The following ZNF284 variants were observed in gnomAD, a reference collection of about 807,000 sequenced individuals.
The protein encoded by ZNF284 is zinc finger protein 284.
A neutral mutation model predicts 12.9 loss-of-function variants in ZNF284; 12 were observed. The ratio of observed to expected loss-of-function variants is 0.93; its 90% CI spans 0.60 to 1.51. The LOEUF (loss-of-function observed/expected upper bound fraction) is 1.51. Ranked by LOEUF, ZNF284 falls within the 40% of genes most tolerant of loss-of-function variation. The pLI, the probability that ZNF284 is intolerant of heterozygous loss-of-function variation, is 0.00. For synonymous variants in ZNF284, 225 were observed against 236.5 expected (o/e 0.95, Z 0.45); for missense variants, 667 against 707.3 (o/e 0.94, Z 0.65).
intron 1 of ZNF284, among the ~76,000 whole-genome samples, chr19:44,073,773 C>T (rs1028327111): frequency 2.0e-5 from 3 of 152,078 alleles, no homozygotes. Context: ...TGGTCTTGAT[C>T]TCCTGACCTC....
chr19:44,084,955 G>T (rs1967205082), intron 4 of ZNF284, among the ~76,000 whole-genome samples: 1 of 152,120 alleles, frequency 6.6e-6, no homozygotes, highest in African/African-American at 2.4e-5. Flanking sequence ...GGCCCACAGG[G>T]GTCGAGGGCC....
chr19:44,083,476 G>GAGAA (rs1568522529), intron 4 of ZNF284, among the ~76,000 whole-genome samples: 1 of 68,960 alleles, frequency 1.5e-5, no homozygotes, highest in Admixed American at 1.4e-4. Context: ...TATATATATA[G>GAGAA]AGAGAGAGAG....
In ZNF284 at chr19:44,089,575, T is replaced by G. The variant is rs1274263400; in HGVS notation, c.*2315T>G. 1 of 152,202 alleles carries G rather than the reference T, an allele frequency of 6.6e-6. No individual in the cohort carries two copies. The highest frequency in any genetic ancestry group is 1.5e-5 in the Non-Finnish European group (1 of 68,044). 9.4% of individuals were successfully genotyped at this position (152,202 alleles called of 1,614,324 possible). ...TCATTATCTGTAAAAGATGTAGCAT[T>G]GTCATGGACTCCTTAATAAACGTGA... is the stretch of plus-strand genomic sequence containing the variant. On this transcript the variant is annotated 3_prime_UTR_variant, in exon 5 of 5. Coordinates refer to ENST00000421176, the MANE Select transcript of ZNF284 (RefSeq NM_001037813.4).
chr19:44,072,869 A>G (rs201775303), intron 1 of ZNF284, among the ~76,000 whole-genome samples: 2 of 152,240 alleles, frequency 1.3e-5, no homozygotes, highest in East Asian at 3.9e-4. Context: ...GGTGTTTCAC[A>G]GCTTTCTCCT....
rs1967277781 is a variant in ZNF284, at chr19:44,087,288, A to G, written c.*28A>G. 9.1e-6 allele frequency: 13 copies of G among 1,422,184 alleles called. No individual in the cohort carries two copies. Among genetic ancestry groups the G allele is most frequent in the South Asian group, 2.9e-5 (2 of 69,978 alleles). The allele number at this position is 1,422,184 out of a possible 1,614,324, so 88.1% of individuals were successfully genotyped here. On this transcript the variant is annotated 3_prime_UTR_variant, in exon 5 of 5. Coordinates refer to ENST00000421176, the MANE Select transcript of ZNF284 (RefSeq NM_001037813.4). ...ATTGTCCATATTTATGGGTTACAGC[A>G]TATTTCAATACATGTATACAATGTA...
rs1555773860 is a variant in ZNF284, at chr19:44,086,812, A to G, written c.1334A>G (p.His445Arg). The G allele has an allele frequency of 6.2e-7, 1 of 1,614,218 alleles. No homozygotes were observed. Among genetic ancestry groups the G allele is most frequent in the East Asian group, 2.2e-5 (1 of 44,884 alleles). The change falls in exon 5 of 5, where the codon CAC (histidine) becomes CGC (arginine). Residue 445 changes from histidine to arginine, a missense_variant. His to Arg is a conservative substitution (Grantham distance 29). Coordinates refer to ENST00000421176, the MANE Select transcript of ZNF284 (RefSeq NM_001037813.4). ...ATTAGTAAGTTTAATCTTGACTTGC[A>G]CCAGAGGGTCCACACGGGAGAGAGA... ...GYISKFNLDL[H>R]QRVHTGERPY...
In ZNF284 at chr19:44,086,288, C is replaced by A; in HGVS notation, c.810C>A (p.His270Gln). The change falls in exon 5 of 5, where the codon CAC (histidine) becomes CAA (glutamine). Residue 270 changes from histidine to glutamine, a missense_variant. Coordinates refer to ENST00000421176, the MANE Select transcript of ZNF284 (RefSeq NM_001037813.4). Reference protein sequence around the residue: ...ICEECGKAFIHNSQLREHQRI... With the variant: ...ICEECGKAFIQNSQLREHQRI... ...AGGAATGTGGGAAGGCCTTCATTCA[C>A]AATTCCCAGCTTCGGGAACATCAAA... The A allele has an allele frequency of 1.9e-6, 3 of 1,614,144 alleles. No individual in the cohort carries two copies. The highest frequency in any genetic ancestry group is 2.5e-6 in the Non-Finnish European group (3 of 1,180,008).
At chr19:44,073,919 A>T (rs1230825161) in intron 1 of ZNF284, among the ~76,000 whole-genome samples, 1 of 152,156 alleles carries the variant, frequency 6.6e-6, no homozygotes, top group Non-Finnish European at 1.5e-5. Flanking sequence ...TTTTATGATT[A>T]AAAAAATGTG....
In ZNF284 at chr19:44,083,504, G is replaced by GTATAT. The variant is rs1568522612; in HGVS notation, c.235+1399_235+1400insTATAT. On this transcript the variant is annotated intron_variant, in intron 4 of 4. Coordinates refer to ENST00000421176, the MANE Select transcript of ZNF284 (RefSeq NM_001037813.4). ...AGAGAGAGAGAGAGAGAGAGAGAGG[G>GTATAT]AATGGAATACCATCCTATCTTTACC... Among the ~76,000 whole-genome samples the GTATAT allele has an allele frequency of 1.5e-3, 136 of 88,116 alleles. 25 individuals carry two copies. Among genetic ancestry groups the GTATAT allele is most frequent in the East Asian group, 2.9e-3 (10 of 3,446 alleles). The allele number at this position is 88,116 out of a possible 152,430, so 57.8% of individuals were successfully genotyped here.
chr19:44,080,709 T>C (rs1308562831), intron 2 of ZNF284, among the ~76,000 whole-genome samples: 2 of 152,210 alleles, frequency 1.3e-5, no homozygotes, highest in South Asian at 2.1e-4. Context: ...GCAAGATTCA[T>C]TGAAACCTAT....
rs1326856643 is a variant in ZNF284, at chr19:44,087,226, A to G, written c.1748A>G (p.Asp583Gly). Residue 583 changes from aspartate (D) to glycine (G), a missense_variant, in exon 5 of 5, where the codon GAT (aspartate) becomes GGT (glycine). Transcript: ENST00000421176. The stretch of plus-strand genomic sequence containing the variant: ...CGCTACGAGAGGCGCTTGAATCTAG[A>G]TATGATTTTATCATTATTTTTAAAT... ...GKRYERRLNL[D>G]MILSLFLNDI 6.3e-7 allele frequency: 1 copy of G among 1,581,616 alleles called. No homozygotes were observed. Among genetic ancestry groups the G allele is most frequent in the Non-Finnish European group, 8.6e-7 (1 of 1,164,864 alleles).
chr19:44,083,474 T>TAGAG (rs60441974), intron 4 of ZNF284, among the ~76,000 whole-genome samples: 3,426 of 64,854 alleles, frequency 0.053, 398 homozygotes, highest in East Asian at 0.079. Context: ...TATATATATA[T>TAGAG]AGAGAGAGAG....
chr19:44,081,729 AAAAC>A (rs1245062174), intron 3 of ZNF284, among the ~76,000 whole-genome samples: 1 of 152,050 alleles, frequency 6.6e-6, no homozygotes, highest in Non-Finnish European at 1.5e-5. Context: ...AACAAAAACA[AAAAC>A]AAAAACAAAA....
intron 4 of ZNF284, chr19:44,085,418 T>C (rs1967214983): frequency 4.3e-6 from 1 of 233,078 alleles, no homozygotes; most frequent in Non-Finnish European, 8.4e-6. Context: ...TATAATTTAG[T>C]AGTTACATAA....
chr19:44,084,169 G>A (rs1967185497), intron 4 of ZNF284, among the ~76,000 whole-genome samples: 1 of 152,170 alleles, frequency 6.6e-6, no homozygotes, highest in East Asian at 1.9e-4. Flanking sequence ...GCAGATGTAG[G>A]CTGTGGTGGA....
chr19:44,083,503 G>GAGAGAGA (rs1568522606), intron 4 of ZNF284, among the ~76,000 whole-genome samples: 2 of 22,418 alleles, frequency 8.9e-5, no homozygotes, highest in African/African-American at 1.9e-4. Context: ...AGAGAGAGAG[G>GAGAGAGA]GAATGGAATA....
rs763660515 is a variant in ZNF284 at position 44,087,005 on chromosome 19, G to A, written c.1527G>A (p.Lys509=). Residue 509 remains lysine, a synonymous_variant, in exon 5 of 5, where the codon AAG becomes AAA. Coordinates refer to ENST00000421176, the MANE Select transcript of ZNF284 (RefSeq NM_001037813.4). ...ATCAAAGAATTCACACTGGAGAAAA[G>A]CCTTACAAATGTGAGGAGTGTGGAA... ...RFHQRIHTGE[K]PYKCEECGKG... 6.2e-7 allele frequency: 1 copy of A among 1,614,146 alleles called. No homozygotes were observed. The highest frequency in any genetic ancestry group is 1.7e-5 in the Admixed American group (1 of 60,012).
chr19:44,075,858 A>T (rs550031148), intron 1 of ZNF284, among the ~76,000 whole-genome samples: 1 of 152,144 alleles, frequency 6.6e-6, no homozygotes, highest in Admixed American at 6.5e-5. Context: ...CATGATCATG[A>T]TTCAGTTTAG....
intron 2 of ZNF284, among the ~76,000 whole-genome samples, chr19:44,080,101 G>T (rs1284439520): frequency 1.3e-5 from 2 of 152,188 alleles, no homozygotes; most frequent in Non-Finnish European, 2.9e-5. Flanking sequence ...AGGTCACGTG[G>T]CTGGGAAGGC....
Sources: allele counts gnomAD v4.1 joint callset (sites outside exome capture counted in the v4.1 genomes callset), GRCh38; gene constraint gnomAD v4.1.1; transcripts MANE v1.5; gene names NCBI Gene and HGNC (gene_info 2026-07-23, HGNC 2026-07-21).